GPR39: variants seen among roughly 807,000 people sequenced by gnomAD.
GPR39 encodes zinc sensing receptor.
Under a neutral mutation model 18.4 loss-of-function variants are expected in GPR39, and 23 were observed. The ratio of observed to expected loss-of-function variants is 1.25; its 90% confidence interval spans 0.90 to 1.77. GPR39 has a LOEUF of 1.77. GPR39 is among the 40% of genes most tolerant of loss of function. GPR39 has a pLI of 0.00. For missense variants in GPR39, 647 were observed against 602.4 expected, an observed-to-expected ratio of 1.07 and a Z score of -0.78; for synonymous variants, 280 against 257.9, an observed-to-expected ratio of 1.09 and a Z score of -0.82.
chr2:132,630,727 G>A (rs972520359), intron 1 of GPR39, among the ~76,000 whole-genome samples: 3 of 152,100 alleles, frequency 2.0e-5, no homozygotes, highest in African/African-American at 7.2e-5. Flanking sequence ...GTGAGAAAGG[G>A]ACAGATTTGG....
chr2:132,475,965 C>T (rs1359707426), intron 1 of GPR39, among the ~76,000 whole-genome samples: 2 of 152,200 alleles, frequency 1.3e-5, no homozygotes, highest in African/African-American at 2.4e-5. Context: ...CACCTCATCT[C>T]AATCAACTGC....
At chr2:132,424,748 A>G (rs900984280) in intron 1 of GPR39, among the ~76,000 whole-genome samples, 2 of 152,142 alleles carry the variant, frequency 1.3e-5, no homozygotes, top group African/African-American at 2.4e-5. Flanking sequence ...TTGCATTCCA[A>G]TTTGGGTCAA....
chr2:132,438,454 C>T (rs1680371838), intron 1 of GPR39, among the ~76,000 whole-genome samples: 1 of 152,060 alleles, frequency 6.6e-6, no homozygotes, highest in Non-Finnish European at 1.5e-5. Context: ...TTTGACATGC[C>T]CTGCTGGCTT....
intron 1 of GPR39, among the ~76,000 whole-genome samples, chr2:132,479,190 G>A (rs1056447798): frequency 3.3e-5 from 5 of 152,154 alleles, no homozygotes; most frequent in African/African-American, 1.2e-4. Context: ...CAGGCACTGC[G>A]GAGGATAGAC....
At chr2:132,523,455 G>A (rs1262685854) in intron 1 of GPR39, among the ~76,000 whole-genome samples, 2 of 151,820 alleles carry the variant, frequency 1.3e-5, no homozygotes, top group African/African-American at 2.4e-5. Context: ...TTGAGGTCCA[G>A]TTTTTGGGAA....
chr2:132,637,395 G>T (rs1459426121), intron 1 of GPR39, among the ~76,000 whole-genome samples: 1 of 152,232 alleles, frequency 6.6e-6, no homozygotes, highest in African/African-American at 2.4e-5. Flanking sequence ...CGTGGTGGAT[G>T]GAGTTGCACT....
chr2:132,501,936 T>C (rs186115246), intron 1 of GPR39, among the ~76,000 whole-genome samples: 1 of 152,302 alleles, frequency 6.6e-6, no homozygotes, highest in Non-Finnish European at 1.5e-5. Context: ...GAGTATCTTT[T>C]TCCACACCTT....
At chr2:132,622,078 A>G (rs917340275) in intron 1 of GPR39, among the ~76,000 whole-genome samples, 2 of 152,078 alleles carry the variant, frequency 1.3e-5, no homozygotes, top group Non-Finnish European at 2.9e-5. Context: ...GACCTTTGAG[A>G]AGGACGATGG....
chr2:132,471,030 T>C (rs1681021161), intron 1 of GPR39, among the ~76,000 whole-genome samples: 1 of 152,196 alleles, frequency 6.6e-6, no homozygotes. Context: ...TCAGTACCCA[T>C]GTGGATATCT....
chr2:132,551,879 T>A (rs1680051147), intron 1 of GPR39, among the ~76,000 whole-genome samples: 1 of 152,232 alleles, frequency 6.6e-6, no homozygotes, highest in Non-Finnish European at 1.5e-5. Context: ...CACAACTCTG[T>A]GCTCGGTTCT....
At chr2:132,524,150 C>G (rs1679469714) in intron 1 of GPR39, among the ~76,000 whole-genome samples, 1 of 152,206 alleles carries the variant, frequency 6.6e-6, no homozygotes, top group Non-Finnish European at 1.5e-5. Flanking sequence ...ACAGTGGCCA[C>G]TGCTGTGGCC....
chr2:132,632,895 T>G, intron 1 of GPR39, among the ~76,000 whole-genome samples: 1 of 152,182 alleles, frequency 6.6e-6, no homozygotes, highest in Non-Finnish European at 1.5e-5. Flanking sequence ...CATATGATAA[T>G]GAGGTGGATA....
At chr2:132,577,950 T>A (rs1389365030) in intron 1 of GPR39, among the ~76,000 whole-genome samples, 4 of 152,184 alleles carry the variant, frequency 2.6e-5, no homozygotes, top group Non-Finnish European at 5.9e-5. Context: ...CTTGCCTTGT[T>A]CCCTATTTTA....
At position 132,646,356 on chromosome 2, in the gene GPR39, A is replaced by C; in HGVS notation, c.*750A>C. ...AGCTGTCCCTCTCAGCCCAAATCCA[A>C]ACGGACAGCTCTTCCTTACTCCTCC... is the stretch of plus-strand genomic sequence containing the variant. On this transcript the variant is annotated 3_prime_UTR_variant, in exon 2 of 2. Transcript: ENST00000329321. 1 of 1,001,266 alleles carries C rather than the reference A, an allele frequency of 1.0e-6. No individual in the cohort carries two copies. The highest frequency in any genetic ancestry group is 1.4e-6 in the Non-Finnish European group (1 of 728,806). 62.0% of individuals were successfully genotyped at this position (1,001,266 alleles called of 1,614,324 possible).
intron 1 of GPR39, among the ~76,000 whole-genome samples, chr2:132,492,451 T>G (rs1243419718): frequency 2.8e-5 from 4 of 142,210 alleles, no homozygotes; most frequent in Non-Finnish European, 4.5e-5. Context: ...ACACCATATA[T>G]ACACACCATA....
intron 1 of GPR39, among the ~76,000 whole-genome samples, chr2:132,541,236 A>C (rs1222109915): frequency 6.6e-6 from 1 of 152,064 alleles, no homozygotes; most frequent in Non-Finnish European, 1.5e-5. Context: ...GGTATGTGTC[A>C]CCACGCTCAG....
chr2:132,581,746 G>A (rs1343800589), intron 1 of GPR39, among the ~76,000 whole-genome samples: 1 of 152,152 alleles, frequency 6.6e-6, no homozygotes. Context: ...GATCTTCAGG[G>A]CCACCCTCTG....
intron 1 of GPR39, among the ~76,000 whole-genome samples, chr2:132,583,005 T>G (rs147915704): frequency 0.011 from 1,603 of 148,886 alleles, 22 homozygotes; most frequent in African/African-American, 0.037. Flanking sequence ...AGCCTTAAAC[T>G]CTAAGGCTCA....
intron 1 of GPR39, among the ~76,000 whole-genome samples, chr2:132,445,245 CTA>C (rs1372261472): frequency 6.6e-6 from 1 of 152,044 alleles, no homozygotes; most frequent in East Asian, 1.9e-4. Context: ...GTATATTTTT[CTA>C]TGTTCCCATA....
Sources: allele counts gnomAD v4.1 joint callset (sites outside exome capture counted in the v4.1 genomes callset), GRCh38; gene constraint gnomAD v4.1.1; transcripts MANE v1.5; gene names NCBI Gene and HGNC (gene_info 2026-07-23, HGNC 2026-07-21).